PLXNA4: variants seen among roughly 807,000 people sequenced by gnomAD.
PLXNA4 encodes the protein plexin-A4.
PLXNA4 carries 44 observed loss-of-function variants against 191.8 expected under a neutral mutation model. That is an observed-to-expected ratio of 0.23 (90% CI 0.18 to 0.29). PLXNA4 has a LOEUF of 0.29. Among genes scored for constraint, PLXNA4 ranks in the 10% least tolerant of loss-of-function variants. PLXNA4 has a pLI of 1.00. For missense variants in PLXNA4, 1,800 were observed against 2,488.8 expected (o/e 0.72, Z 5.89); for synonymous variants, 1,082 against 1,009.5 (o/e 1.07, Z -1.36).
intron 14 of PLXNA4, among the ~76,000 whole-genome samples, chr7:132,192,637 C>T (rs34846188): frequency 6.9e-4 from 105 of 152,172 alleles, no homozygotes; most frequent in African/African-American, 2.2e-3. Context: ...ACATGATGGC[C>T]AGGCATAAAA....
At chr7:132,506,431 TTTC>T (rs1367194440) in intron 2 of PLXNA4, among the ~76,000 whole-genome samples, 4 of 152,244 alleles carry the variant, frequency 2.6e-5, no homozygotes, top group Non-Finnish European at 4.4e-5. Flanking sequence ...TACATTTTCC[TTTC>T]TTCTTCTCCC....
chr7:132,299,496 T>C (rs772260997), intron 3 of PLXNA4, among the ~76,000 whole-genome samples: 59 of 152,186 alleles, frequency 3.9e-4, no homozygotes, highest in Non-Finnish European at 8.1e-4. Flanking sequence ...TCAGGTTATT[T>C]TGTGGTTTAT....
intron 22 of PLXNA4, among the ~76,000 whole-genome samples, chr7:132,165,440 T>C (rs1796094651): frequency 6.6e-6 from 1 of 152,158 alleles, no homozygotes; most frequent in African/African-American, 2.4e-5. Context: ...CAGCAGGCTG[T>C]GGGTGGGATT....
rs1242555964 is a variant in PLXNA4 at position 132,129,895 on chromosome 7, G to A, written c.*584C>T. 6.5e-6 allele frequency: 1 copy of A among 154,830 alleles called. No homozygotes were observed. Among genetic ancestry groups the A allele is most frequent in the Non-Finnish European group, 1.4e-5 (1 of 69,444 alleles). The allele number at this position is 154,830 out of a possible 1,614,324, so 9.6% of individuals were successfully genotyped here. A position where few individuals can be genotyped will look rare whatever the true frequency, so the allele number is the denominator to read the frequency against. On this transcript the variant is annotated 3_prime_UTR_variant, in exon 32 of 32. Coordinates refer to ENST00000321063, the MANE Select transcript of PLXNA4 (RefSeq NM_020911.2). ...CCTCCCAGCTGCCCACACATGCCCT[G>A]CTCCAGCCACATGCAGGAGGTGTAG...
chr7:132,265,671 G>A (rs776251330), intron 4 of PLXNA4, among the ~76,000 whole-genome samples: 8 of 152,138 alleles, frequency 5.3e-5, no homozygotes, highest in South Asian at 2.1e-4. Context: ...TAGCAGAAGC[G>A]AGCGTACACA....
intron 9 of PLXNA4, among the ~76,000 whole-genome samples, chr7:132,211,447 C>A (rs573901548): frequency 6.6e-6 from 1 of 152,360 alleles, no homozygotes. Context: ...CCCTTCTACC[C>A]TAGTAGAGAC....
chr7:132,527,508 C>T (rs62467596), intron 1 of PLXNA4, among the ~76,000 whole-genome samples: 3,576 of 116,202 alleles, frequency 0.031, 60 homozygotes, highest in Middle Eastern at 0.041. Context: ...TGAGTAAGGG[C>T]AGCACAATGT....
At chr7:132,160,403 C>G (rs1057174344) in intron 24 of PLXNA4, among the ~76,000 whole-genome samples, 1 of 152,192 alleles carries the variant, frequency 6.6e-6, no homozygotes, top group Non-Finnish European at 1.5e-5. Context: ...AACTGCTTCA[C>G]CAAATTATCT....
intron 4 of PLXNA4, among the ~76,000 whole-genome samples, chr7:132,283,002 C>G (rs555059918): frequency 1.5e-4 from 23 of 152,184 alleles, no homozygotes; most frequent in Non-Finnish European, 2.1e-4. Flanking sequence ...TCAGCCCCCC[C>G]CAAGTAACTG....
At position 132,550,097 on chromosome 7, in the gene PLXNA4, A is replaced by G. The variant is rs1800493295; in HGVS notation, c.-87+26325T>C. On this transcript the variant is annotated intron_variant, in intron 1 of 31. Coordinates refer to ENST00000321063, the MANE Select transcript of PLXNA4 (RefSeq NM_020911.2). ...GTGGGTTCTATAAGGCTAGGGCTATACCCCACCTGCTGCCCAAGGGTAAGG... is the reference window on the plus strand; with the variant it reads ...GTGGGTTCTATAAGGCTAGGGCTATGCCCCACCTGCTGCCCAAGGGTAAGG... Among the ~76,000 whole-genome samples, 2 of 152,026 alleles carry G rather than the reference A, an allele frequency of 1.3e-5. 1 individual carries two copies. Among genetic ancestry groups the G allele is most frequent in the South Asian group, 4.1e-4 (2 of 4,822 alleles).
chr7:132,445,307 T>A (rs990140985), intron 3 of PLXNA4, among the ~76,000 whole-genome samples: 1 of 151,994 alleles, frequency 6.6e-6, no homozygotes, highest in African/African-American at 2.4e-5. Context: ...GCAAAGAGAC[T>A]TGTCTGGGGC....
At chr7:132,493,110 G>C (rs1797870676) in intron 2 of PLXNA4, among the ~76,000 whole-genome samples, 1 of 152,150 alleles carries the variant, frequency 6.6e-6, no homozygotes, top group Non-Finnish European at 1.5e-5. Flanking sequence ...GAGGCTAATT[G>C]GTGAAAGCCT....
intron 3 of PLXNA4, among the ~76,000 whole-genome samples, chr7:132,358,127 G>A (rs1232302380): frequency 6.6e-6 from 1 of 152,246 alleles, no homozygotes; most frequent in Non-Finnish European, 1.5e-5. Flanking sequence ...AAGTCTTCCT[G>A]TGACTGCGTC....
chr7:132,283,619 T>G (rs1036647042), intron 4 of PLXNA4, among the ~76,000 whole-genome samples: 10 of 152,072 alleles, frequency 6.6e-5, no homozygotes, highest in African/African-American at 2.4e-4. Flanking sequence ...AAGAGAAACT[T>G]GGGTCAGGCC....
chr7:132,243,019 G>A (rs1430176111), intron 4 of PLXNA4, among the ~76,000 whole-genome samples: 1 of 152,146 alleles, frequency 6.6e-6, no homozygotes, highest in African/African-American at 2.4e-5. Context: ...AGGTCCACAC[G>A]CTATTTTCAA....
chr7:132,149,113 G>A (rs545179211), intron 25 of PLXNA4, among the ~76,000 whole-genome samples: 1 of 152,264 alleles, frequency 6.6e-6, no homozygotes, highest in South Asian at 2.1e-4. Context: ...TGTTCCAGGG[G>A]TGTATCCTAC....
At chr7:132,486,909 T>C (rs1797584142) in intron 3 of PLXNA4, among the ~76,000 whole-genome samples, 1 of 152,090 alleles carries the variant, frequency 6.6e-6, no homozygotes, top group Non-Finnish European at 1.5e-5. Flanking sequence ...CCTGGGGGTG[T>C]CCTGATCCCA....
chr7:132,180,843 GA>G, intron 18 of PLXNA4, 111 bp from the exon 19 acceptor site: 1 of 1,493,396 alleles, frequency 6.7e-7, no homozygotes, highest in Non-Finnish European at 9.0e-7. Context: ...AGCTGGTGAA[GA>G]AGCCACCTTT....
chr7:132,419,426 A>G (rs1794774289), intron 3 of PLXNA4, among the ~76,000 whole-genome samples: 1 of 152,228 alleles, frequency 6.6e-6, no homozygotes, highest in Non-Finnish European at 1.5e-5. Flanking sequence ...TCACCTAGAC[A>G]AGGAGCTTTC....
Sources: allele counts gnomAD v4.1 joint callset (sites outside exome capture counted in the v4.1 genomes callset), GRCh38; gene constraint gnomAD v4.1.1; transcripts MANE v1.5; gene names NCBI Gene and HGNC (gene_info 2026-07-23, HGNC 2026-07-21).